The following CEP120 variants were observed in gnomAD, a reference collection of about 807,000 sequenced individuals.
CEP120 encodes the protein centrosomal protein 120, also known as centrosomal protein of 120 kDa.
A neutral mutation model predicts 126.5 loss-of-function variants in CEP120; 113 were observed. The observed-to-expected ratio is 0.89, with a 90% CI of 0.77 to 1.04. The LOEUF (loss-of-function observed/expected upper bound fraction) is 1.04. Among genes scored for constraint, CEP120 ranks in the 50% least tolerant of loss-of-function variants. The pLI, the probability that CEP120 is intolerant of heterozygous loss-of-function variation, is 0.00. For synonymous variants in CEP120, 400 were observed against 394.3 expected, an observed-to-expected ratio of 1.01 and a Z score of -0.17; for missense variants, 1,230 against 1,155.7, an observed-to-expected ratio of 1.06 and a Z score of -0.93.
At chr5:123,405,140 A>T (rs910025273) in intron 4 of CEP120, among the ~76,000 whole-genome samples, 2 of 152,228 alleles carry the variant, frequency 1.3e-5, no homozygotes, top group Non-Finnish European at 2.9e-5. Context: ...CTGCTCCCCA[A>T]AACTAAGGAA....
intron 4 of CEP120, among the ~76,000 whole-genome samples, chr5:123,406,455 G>A: frequency 1.4e-5 from 2 of 140,904 alleles, no homozygotes; most frequent in Admixed American, 7.2e-5. Context: ...CAAAGCTAAA[G>A]AAAAAATACT....
chr5:123,358,550 C>A (rs1023895182), intron 18 of CEP120: 2 of 151,868 alleles, frequency 1.3e-5, no homozygotes, highest in South Asian at 2.1e-4. Flanking sequence ...TGACTGCAAG[C>A]AGGAAATAAG....
At chr5:123,363,101 T>C (rs1770204519) in intron 18 of CEP120, among the ~76,000 whole-genome samples, 1 of 151,656 alleles carries the variant, frequency 6.6e-6, no homozygotes, top group South Asian at 2.1e-4. Flanking sequence ...GAACAGCCTA[T>C]GCTTTCCCAC....
intron 7 of CEP120, chr5:123,390,453 G>C (rs919828499): frequency 4.8e-6 from 2 of 416,818 alleles, no homozygotes; most frequent in South Asian, 2.0e-5. Context: ...GTACAATGGA[G>C]AACTATACTC....
intron 14 of CEP120, among the ~76,000 whole-genome samples, chr5:123,378,830 G>A (rs1289729860): frequency 8.6e-5 from 13 of 151,998 alleles, no homozygotes; most frequent in East Asian, 1.9e-4. Context: ...ATGGGGGTGC[G>A]TGTGGTGGGT....
chr5:123,399,283 T>C lies in CEP120; in HGVS notation c.465A>G (p.Val155=), dbSNP rs1773013349. Residue 155 remains valine (V), a splice_region_variant and synonymous_variant, in exon 5 of 20, where the codon GTA becomes GTG. Transcript: ENST00000306467. ...GGTCAAGTCCAGCCAGGATGGCAGG[T>C]ACTTTACAGAGAAAAACACGATTAA... ...AKGAPPRDGK[V]PAILAGLDPR... 4 of 1,613,612 alleles carry C rather than the reference T, an allele frequency of 2.5e-6. No homozygotes were observed. The highest frequency in any genetic ancestry group is 3.3e-5 in the Admixed American group (2 of 59,864).
chr5:123,398,138 C>CA, intron 5 of CEP120, among the ~76,000 whole-genome samples: 1 of 152,012 alleles, frequency 6.6e-6, no homozygotes, highest in South Asian at 2.1e-4. Context: ...AGTTATAAAC[C>CA]ATATTATCTA....
chr5:123,407,870 C>T (rs1773797922), intron 4 of CEP120, among the ~76,000 whole-genome samples: 1 of 152,054 alleles, frequency 6.6e-6, no homozygotes, highest in Admixed American at 6.5e-5. Context: ...TGCTGTCAGG[C>T]TACATAAACT....
intron 3 of CEP120, among the ~76,000 whole-genome samples, chr5:123,414,924 ATCG>A (rs1279775802): frequency 7.2e-6 from 1 of 139,540 alleles, no homozygotes; most frequent in African/African-American, 2.7e-5. Context: ...GTGAGCCGAG[ATCG>A]TGCCACTACA....
rs1196219535 is a variant in CEP120, at chr5:123,386,735, G to GT, written c.1431-69dup. On this transcript the variant is annotated intron_variant, in intron 9 of 19. Coordinates refer to ENST00000306467, the MANE Select transcript of CEP120 (RefSeq NM_001375405.1). ...ATGGTTTACAGATGACATTCAGTCT[G>GT]TTTTTTAGAAAAAAGTATAATATGA... 19 of 1,185,748 alleles carry GT rather than the reference G, an allele frequency of 1.6e-5. No homozygotes were observed. The South Asian group carries it at 4.5e-4, about 28-fold the overall frequency. 73.5% of individuals were successfully genotyped at this position (1,185,748 alleles called of 1,614,324 possible).
rs147779236 is a variant in CEP120, at chr5:123,421,847, C to A, written c.49+1103G>T. Among the ~76,000 whole-genome samples the A allele has an allele frequency of 4.3e-4, 66 of 152,270 alleles. No homozygotes were observed. The East Asian group carries it at 4.4e-3, about 10-fold the overall frequency. On this transcript the variant is annotated intron_variant, in intron 1 of 19. Coordinates refer to ENST00000306467, the MANE Select transcript of CEP120 (RefSeq NM_001375405.1). ...ACTAACAGTTAATAGTGCTCCAAATCTTTATGGCTTTTCTGGTCAGTCTCT... is the reference window on the plus strand; with the variant it reads ...ACTAACAGTTAATAGTGCTCCAAATATTTATGGCTTTTCTGGTCAGTCTCT...
chr5:123,374,217 A>C (rs755654428), intron 16 of CEP120, among the ~76,000 whole-genome samples: 1 of 151,878 alleles, frequency 6.6e-6, no homozygotes, highest in Non-Finnish European at 1.5e-5. Context: ...AGGTAAAAAC[A>C]ACAACAACAA....
intron 14 of CEP120, 90 bp downstream of exon 14, chr5:123,382,021 T>G (rs1226200361): frequency 2.2e-5 from 19 of 863,896 alleles, no homozygotes; most frequent in Non-Finnish European, 3.2e-5. Flanking sequence ...TAAAATTAGT[T>G]ATTCCTTCCA....
intron 15 of CEP120, 30 bp downstream of exon 15, chr5:123,378,306 G>A: frequency 6.5e-7 from 1 of 1,531,724 alleles, no homozygotes; most frequent in Non-Finnish European, 8.9e-7. Context: ...CCTCTATGCT[G>A]AAAAAAAATA....
At chr5:123,393,174 G>A in intron 6 of CEP120, 126 bp downstream of exon 6, 1 of 820,638 alleles carries the variant, frequency 1.2e-6, no homozygotes, top group Non-Finnish European at 1.9e-6. Flanking sequence ...AGAAGATGTG[G>A]CAGAAAGATA....
chr5:123,408,013 AAC>A (rs1773807988), intron 4 of CEP120, among the ~76,000 whole-genome samples: 1 of 152,210 alleles, frequency 6.6e-6, no homozygotes, highest in Non-Finnish European at 1.5e-5. Context: ...TGAAAATGAA[AAC>A]ACAACAAAAA....
At chr5:123,389,871 G>T in intron 8 of CEP120, 53 bp downstream of exon 8, 1 of 1,458,058 alleles carries the variant, frequency 6.9e-7, no homozygotes, top group Non-Finnish European at 9.5e-7. Context: ...TTTTTAGATG[G>T]CTGCAAAATG....
At chr5:123,400,784 C>T in intron 4 of CEP120, 1 of 698,552 alleles carries the variant, frequency 1.4e-6, no homozygotes, top group South Asian at 1.6e-5. Context: ...AGTAAACTCC[C>T]CCGCGGGTGG....
intron 16 of CEP120, among the ~76,000 whole-genome samples, chr5:123,375,158 C>T (rs996389236): frequency 1.3e-5 from 2 of 152,060 alleles, no homozygotes; most frequent in Middle Eastern, 3.2e-3. Flanking sequence ...ATCTTGGAAA[C>T]TTCTCCTGTC....
Sources: gnomAD v4.1 joint callset for allele counts (sites outside exome capture counted in the v4.1 genomes callset) on GRCh38, gnomAD v4.1.1 for gene constraint, MANE v1.5 for transcripts, NCBI Gene and HGNC (gene_info 2026-07-23, HGNC 2026-07-21) for gene names.